The following TMCC3 variants were observed in gnomAD, a reference collection of about 807,000 sequenced individuals.
TMCC3 encodes transmembrane and coiled-coil domain family 3, also known as transmembrane and coiled-coil domain protein 3.
Under a neutral mutation model 40.2 loss-of-function variants are expected in TMCC3, and 28 were observed. The observed-to-expected ratio is 0.70, with a 90% confidence interval of 0.52 to 0.95. TMCC3 has a LOEUF of 0.95. Ranked by LOEUF, TMCC3 falls within the 40% of genes least tolerant of loss-of-function variation. TMCC3 has a pLI of 0.00. For missense variants in TMCC3, 554 were observed against 615.2 expected (o/e 0.90, Z 1.05); for synonymous variants, 255 against 248.5 (o/e 1.03, Z -0.25).
chr12:94,598,513 A>G (rs981368893), intron 1 of TMCC3: 10 of 924,984 alleles, frequency 1.1e-5, no homozygotes, highest in Non-Finnish European at 1.3e-5. Flanking sequence ...CAATTTTGGC[A>G]TTCATAAGTA....
At chr12:94,620,588 T>C (rs546657607) in intron 1 of TMCC3, among the ~76,000 whole-genome samples, 1 of 152,194 alleles carries the variant, frequency 6.6e-6, no homozygotes, top group South Asian at 2.1e-4. Flanking sequence ...GTGCAGGGCC[T>C]GTGGAATTTT....
At chr12:94,587,061 C>A (rs2068642559) in intron 1 of TMCC3, among the ~76,000 whole-genome samples, 1 of 152,226 alleles carries the variant, frequency 6.6e-6, no homozygotes, top group African/African-American at 2.4e-5. Flanking sequence ...TGAACACAAA[C>A]TGAAATTACA....
intron 1 of TMCC3, among the ~76,000 whole-genome samples, chr12:94,593,446 G>A (rs61938488): frequency 0.017 from 439 of 26,416 alleles, 140 homozygotes; most frequent in African/African-American, 0.036. Flanking sequence ...GAAGGAGAAG[G>A]AGAAGGAGAA....
chr12:94,604,090 G>A (rs527265957), intron 1 of TMCC3, among the ~76,000 whole-genome samples: 1 of 152,236 alleles, frequency 6.6e-6, no homozygotes, highest in East Asian at 1.9e-4. Context: ...TACTAGCAAG[G>A]CATTAATATC....
chr12:94,602,261 A>G lies in TMCC3; in HGVS notation c.79-19723T>C, dbSNP rs544634349. ...ATCATTACGACCTTAGCAGAAAGGTATAAGATTAGGGATTGGTTTTTTAGT... is the reference window on the plus strand; with the variant it reads ...ATCATTACGACCTTAGCAGAAAGGTGTAAGATTAGGGATTGGTTTTTTAGT... On this transcript the variant is annotated intron_variant, in intron 1 of 3. Coordinates refer to ENST00000261226, the MANE Select transcript of TMCC3 (RefSeq NM_020698.4). Among the ~76,000 whole-genome samples, 6 of 152,350 alleles carry G rather than the reference A, an allele frequency of 3.9e-5. No individual in the cohort carries two copies. The South Asian group carries it at 1.0e-3, about 26-fold the overall frequency.
chr12:94,591,807 C>T (rs1427347456), intron 1 of TMCC3, among the ~76,000 whole-genome samples: 2 of 152,124 alleles, frequency 1.3e-5, no homozygotes, highest in African/African-American at 4.8e-5. Flanking sequence ...TAGCCCATCT[C>T]CCTCTTGCTA....
intron 1 of TMCC3, among the ~76,000 whole-genome samples, chr12:94,590,285 T>TTTTTTTTTTTTTG (rs1246281454): frequency 1.4e-5 from 2 of 145,730 alleles, no homozygotes; most frequent in Admixed American, 6.9e-5. Flanking sequence ...TTTTTTTTTT[T>TTTTTTTTTTTTTG]AGAAGAGATG....
At chr12:94,615,615 A>G (rs2138863776) in intron 1 of TMCC3, among the ~76,000 whole-genome samples, 1 of 152,334 alleles carries the variant, frequency 6.6e-6, no homozygotes, top group South Asian at 2.1e-4. Context: ...GCTCTTCTCC[A>G]GCCAGTAGCT....
intron 1 of TMCC3, among the ~76,000 whole-genome samples, chr12:94,646,390 A>T (rs907983344): frequency 4.6e-5 from 7 of 151,998 alleles, no homozygotes; most frequent in East Asian, 1.9e-4. Context: ...ACATAAATTT[A>T]AAAAAATTTT....
At chr12:94,629,496 G>A (rs540118197) in intron 1 of TMCC3, among the ~76,000 whole-genome samples, 1 of 152,274 alleles carries the variant, frequency 6.6e-6, no homozygotes, top group Admixed American at 6.5e-5. Flanking sequence ...CTGATCTCAG[G>A]GCCTCGCACA....
intron 3 of TMCC3, among the ~76,000 whole-genome samples, chr12:94,573,275 C>T (rs373099630): frequency 2.0e-5 from 3 of 152,138 alleles, no homozygotes; most frequent in Non-Finnish European, 4.4e-5. Flanking sequence ...TCAATTGGTC[C>T]GGTTCTCTCT....
intron 1 of TMCC3, among the ~76,000 whole-genome samples, chr12:94,648,725 G>A (rs1270557316): frequency 6.6e-6 from 1 of 152,210 alleles, no homozygotes; most frequent in African/African-American, 2.4e-5. Context: ...TGAAGAGTGA[G>A]TTTTGTAAAG....
At chr12:94,585,911 T>G (rs1458129351) in intron 1 of TMCC3, among the ~76,000 whole-genome samples, 1 of 152,190 alleles carries the variant, frequency 6.6e-6, no homozygotes, top group Non-Finnish European at 1.5e-5. Context: ...GTACCTAACT[T>G]GAAGTTCACG....
In TMCC3 at chr12:94,640,680, G is replaced by A. The variant is rs1011115651; in HGVS notation, c.78+9673C>T. 3.9e-5 allele frequency among the ~76,000 whole-genome samples: 6 copies of A among 152,280 alleles called. No individual in the cohort carries two copies. The East Asian group carries it at 5.8e-4, about 15-fold the overall frequency. On this transcript the variant is annotated intron_variant, in intron 1 of 3. Coordinates refer to ENST00000261226, the MANE Select transcript of TMCC3 (RefSeq NM_020698.4). Reference sequence around the variant, plus strand: ...GAATGACTGAACTTTGGGAAACTGCGGTAGACCACGAATGACTCAAACTCA... The same window carrying A: ...GAATGACTGAACTTTGGGAAACTGCAGTAGACCACGAATGACTCAAACTCA...
At chr12:94,612,088 T>C (rs1167861382) in intron 1 of TMCC3, among the ~76,000 whole-genome samples, 1 of 152,174 alleles carries the variant, frequency 6.6e-6, no homozygotes, top group South Asian at 2.1e-4. Flanking sequence ...AGCCTTGATC[T>C]CCTGGGCTCA....
chr12:94,585,088 T>C (rs2068630133), intron 1 of TMCC3, among the ~76,000 whole-genome samples: 4 of 152,184 alleles, frequency 2.6e-5, no homozygotes, highest in Admixed American at 2.6e-4. Context: ...AATTTGATTT[T>C]GCTGGAGATA....
chr12:94,601,250 C>T (rs1485687157), intron 1 of TMCC3, among the ~76,000 whole-genome samples: 1 of 152,182 alleles, frequency 6.6e-6, no homozygotes, highest in Non-Finnish European at 1.5e-5. Flanking sequence ...CGCGGTGGCT[C>T]ATGACTGTAA....
chr12:94,590,529 G>A (rs1476689125), intron 1 of TMCC3, among the ~76,000 whole-genome samples: 1 of 152,152 alleles, frequency 6.6e-6, no homozygotes, highest in Non-Finnish European at 1.5e-5. Flanking sequence ...GGAGAAAGAA[G>A]CCCTGTCCCT....
chr12:94,606,795 A>G (rs1175408569), intron 1 of TMCC3, among the ~76,000 whole-genome samples: 4 of 152,196 alleles, frequency 2.6e-5, no homozygotes, highest in African/African-American at 9.7e-5. Flanking sequence ...CAAAGATCAC[A>G]TGCTTCAAAG....
Sources: gnomAD v4.1 joint callset for allele counts (sites outside exome capture counted in the v4.1 genomes callset) on GRCh38, gnomAD v4.1.1 for gene constraint, MANE v1.5 for transcripts, NCBI Gene and HGNC (gene_info 2026-07-23, HGNC 2026-07-21) for gene names.